Variants in NKAIN2 observed in about 807,000 individuals in gnomAD.
NKAIN2 encodes the protein sodium/potassium-transporting ATPase subunit beta-1-interacting protein 2.
NKAIN2 carries 14 observed loss-of-function variants against 32.6 expected under a neutral mutation model. The observed-to-expected ratio is 0.43, with a 90% CI of 0.28 to 0.67. The LOEUF is 0.67. Ranked by LOEUF, NKAIN2 falls within the 30% of genes least tolerant of loss-of-function variation. The pLI, the probability that NKAIN2 is intolerant of heterozygous loss-of-function variation, is 0.17. For synonymous variants in NKAIN2, 80 were observed against 87.2 expected, an observed-to-expected ratio of 0.92 and a Z score of 0.46; for missense variants, 198 against 258.3, an observed-to-expected ratio of 0.77 and a Z score of 1.60.
At chr6:124,821,791 C>G (rs1045094812) in intron 6 of NKAIN2, among the ~76,000 whole-genome samples, 1 of 152,164 alleles carries the variant, frequency 6.6e-6, no homozygotes, top group African/African-American at 2.4e-5. Flanking sequence ...AGTCAAAATA[C>G]TCCAATCATT....
At chr6:124,759,638 CA>C (rs1562367696) in intron 4 of NKAIN2, among the ~76,000 whole-genome samples, 70 of 133,974 alleles carry the variant, frequency 5.2e-4, no homozygotes, top group African/African-American at 1.4e-3. Flanking sequence ...CACACACACA[CA>C]CACACACACA....
At chr6:124,354,704 A>G (rs1798887476) in intron 2 of NKAIN2, among the ~76,000 whole-genome samples, 2 of 152,100 alleles carry the variant, frequency 1.3e-5, no homozygotes, top group Non-Finnish European at 2.9e-5. Flanking sequence ...ATGTTAGAGC[A>G]CTGAATTTTT....
chr6:124,525,509 TA>T (rs1185684579), intron 3 of NKAIN2, among the ~76,000 whole-genome samples: 1 of 152,150 alleles, frequency 6.6e-6, no homozygotes, highest in Non-Finnish European at 1.5e-5. Flanking sequence ...TAAGTCATAA[TA>T]ACTTAGTAAG....
At chr6:124,540,527 G>A (rs1346680605) in intron 3 of NKAIN2, among the ~76,000 whole-genome samples, 2 of 152,196 alleles carry the variant, frequency 1.3e-5, no homozygotes. Context: ...AAGTATTGTG[G>A]TGAAACAAAC....
chr6:123,835,649 A>G (rs547787972), intron 1 of NKAIN2, among the ~76,000 whole-genome samples: 72 of 152,282 alleles, frequency 4.7e-4, no homozygotes, highest in Middle Eastern at 6.8e-3. Flanking sequence ...TTTTGTGGTT[A>G]TGATCTTATA....
intron 3 of NKAIN2, among the ~76,000 whole-genome samples, chr6:124,567,247 G>A (rs1780950309): frequency 6.6e-6 from 1 of 152,174 alleles, no homozygotes; most frequent in African/African-American, 2.4e-5. Flanking sequence ...CAACTATAGT[G>A]TAAACGGCAC....
intron 5 of NKAIN2, among the ~76,000 whole-genome samples, chr6:124,793,204 T>C (rs1163878192): frequency 6.6e-6 from 1 of 152,128 alleles, no homozygotes; most frequent in Non-Finnish European, 1.5e-5. Context: ...GGGTATCTGA[T>C]GCAAGTGAAT....
At chr6:124,429,998 CA>C (rs35300636) in intron 3 of NKAIN2, among the ~76,000 whole-genome samples, 22,172 of 152,012 alleles carry the variant, frequency 0.15, 1,987 homozygotes, top group East Asian at 0.24. Context: ...ATAAAAAAGT[CA>C]AGGGGAAAAA....
chr6:124,655,910 G>T (rs1353752245), intron 3 of NKAIN2, among the ~76,000 whole-genome samples: 1 of 152,016 alleles, frequency 6.6e-6, no homozygotes, highest in East Asian at 1.9e-4. Flanking sequence ...AGAGAGGGAG[G>T]TTTACCGAGA....
chr6:124,027,358 C>G (rs966390902), intron 1 of NKAIN2, among the ~76,000 whole-genome samples: 12 of 152,074 alleles, frequency 7.9e-5, no homozygotes, highest in Non-Finnish European at 1.5e-4. Flanking sequence ...CCACGTTCAT[C>G]TCTAACTCCT....
chr6:124,531,489 A>T (rs1360028955), intron 3 of NKAIN2, among the ~76,000 whole-genome samples: 4 of 152,032 alleles, frequency 2.6e-5, no homozygotes, highest in Non-Finnish European at 2.9e-5. Flanking sequence ...TTCATCAAGG[A>T]TATTGTTCTG....
intron 5 of NKAIN2, among the ~76,000 whole-genome samples, chr6:124,799,547 T>C (rs188044754): frequency 1.2e-4 from 19 of 152,336 alleles, no homozygotes; most frequent in African/African-American, 4.3e-4. Context: ...AAGAAGCTGA[T>C]TCATTCTCTC....
intron 2 of NKAIN2, among the ~76,000 whole-genome samples, chr6:124,287,702 T>C (rs551559155): frequency 3.9e-5 from 6 of 152,234 alleles, no homozygotes; most frequent in Admixed American, 3.3e-4. Context: ...AAAGCATTAT[T>C]TTACATCATA....
intron 3 of NKAIN2, among the ~76,000 whole-genome samples, chr6:124,357,313 G>A (rs185101828): frequency 6.6e-5 from 10 of 151,876 alleles, no homozygotes; most frequent in South Asian, 2.1e-4. Flanking sequence ...CCTCTCTTTC[G>A]TGTTCAAAGC....
intron 1 of NKAIN2, among the ~76,000 whole-genome samples, chr6:123,846,034 ATAACTATGCTT>A (rs1775074750): frequency 6.6e-6 from 1 of 152,234 alleles, no homozygotes; most frequent in East Asian, 1.9e-4. Flanking sequence ...TTCTAATTTT[ATAACTATGCTT>A]TTGGAAGCTT....
At chr6:124,031,651 C>G (rs1021428876) in intron 1 of NKAIN2, among the ~76,000 whole-genome samples, 4 of 152,056 alleles carry the variant, frequency 2.6e-5, no homozygotes, top group Non-Finnish European at 5.9e-5. Context: ...TTATTCCTGC[C>G]TTCATTTTGT....
At chr6:124,362,299 G>T (rs190068645) in intron 3 of NKAIN2, among the ~76,000 whole-genome samples, 1 of 152,106 alleles carries the variant, frequency 6.6e-6, no homozygotes, top group Admixed American at 6.5e-5. Flanking sequence ...TGCAGGGAAA[G>T]ATATTCGACC....
intron 2 of NKAIN2, among the ~76,000 whole-genome samples, chr6:124,317,346 G>A (rs1796998888): frequency 6.6e-6 from 1 of 152,192 alleles, no homozygotes; most frequent in South Asian, 2.1e-4. Flanking sequence ...TTGAATCAAA[G>A]TCTGTGTCTG....
chr6:124,674,343 G>T (rs2114483788), intron 4 of NKAIN2, among the ~76,000 whole-genome samples: 1 of 151,620 alleles, frequency 6.6e-6, no homozygotes, highest in South Asian at 2.1e-4. Flanking sequence ...GGGCTGTTGG[G>T]GTCTTTTTGG....
Sources: allele counts gnomAD v4.1 joint callset (sites outside exome capture counted in the v4.1 genomes callset), GRCh38; gene constraint gnomAD v4.1.1; transcripts MANE v1.5; gene names NCBI Gene and HGNC (gene_info 2026-07-23, HGNC 2026-07-21).